The following XKR4 variants were observed in gnomAD, a reference collection of about 807,000 sequenced individuals.
The protein encoded by XKR4 is XK-related protein 4.
In XKR4, 12 loss-of-function variants were observed where a neutral mutation model predicts 53.9. The ratio of observed to expected loss-of-function variants is 0.22; its 90% CI spans 0.14 to 0.36. XKR4 has a LOEUF of 0.36. Ranked by LOEUF, XKR4 falls within the 10% of genes least tolerant of loss-of-function variation. The pLI is 1.00. For missense variants in XKR4, 799 were observed against 859.5 expected, an observed-to-expected ratio of 0.93 and a Z score of 0.88; for synonymous variants, 354 against 362.4, an observed-to-expected ratio of 0.98 and a Z score of 0.26.
At chr8:55,148,971 A>G (rs1816806284) in intron 1 of XKR4, among the ~76,000 whole-genome samples, 2 of 152,256 alleles carry the variant, frequency 1.3e-5, no homozygotes, top group African/African-American at 4.8e-5. Flanking sequence ...AAAAGTACAA[A>G]TAAGCCAAGT....
intron 1 of XKR4, among the ~76,000 whole-genome samples, chr8:55,174,479 G>A (rs1448894421): frequency 3.3e-5 from 5 of 152,150 alleles, no homozygotes; most frequent in Non-Finnish European, 4.4e-5. Flanking sequence ...AGCATCCGGG[G>A]CTTCACAAAG....
At chr8:55,222,180 T>A (rs1317645976) in intron 1 of XKR4, among the ~76,000 whole-genome samples, 1 of 152,120 alleles carries the variant, frequency 6.6e-6, no homozygotes, top group African/African-American at 2.4e-5. Context: ...GATGTTTTCT[T>A]AGATCATGTT....
At chr8:55,145,797 A>C (rs184921180) in intron 1 of XKR4, among the ~76,000 whole-genome samples, 1 of 152,202 alleles carries the variant, frequency 6.6e-6, no homozygotes, top group Non-Finnish European at 1.5e-5. Flanking sequence ...ACATCTTTTC[A>C]TCTCATAAAT....
intron 1 of XKR4, among the ~76,000 whole-genome samples, chr8:55,289,620 A>T (rs1360676557): frequency 7.2e-6 from 1 of 139,794 alleles, no homozygotes; most frequent in African/African-American, 2.7e-5. Flanking sequence ...AAAGAAAGAA[A>T]GAAAGAAAGA....
chr8:55,410,765 C>T (rs905964805), intron 2 of XKR4, among the ~76,000 whole-genome samples: 2 of 152,196 alleles, frequency 1.3e-5, no homozygotes, highest in South Asian at 4.1e-4. Flanking sequence ...TCATGACACT[C>T]TTCTCTAAAA....
At chr8:55,361,193 A>G (rs1438896014) in intron 2 of XKR4, among the ~76,000 whole-genome samples, 1 of 152,172 alleles carries the variant, frequency 6.6e-6, no homozygotes, top group East Asian at 1.9e-4. Flanking sequence ...CTGTACTTCC[A>G]GAGAGTTTCC....
intron 1 of XKR4, among the ~76,000 whole-genome samples, chr8:55,311,167 G>C (rs1819382680): frequency 6.6e-6 from 1 of 152,162 alleles, no homozygotes; most frequent in African/African-American, 2.4e-5. Flanking sequence ...GCCTCGAATT[G>C]GTAAAGGGAC....
chr8:55,454,351 G>A (rs895221981), intron 2 of XKR4: 1 of 1,507,900 alleles, frequency 6.6e-7, no homozygotes, highest in East Asian at 2.3e-5. Flanking sequence ...CCAGCAGCTG[G>A]GCCGGCAGGA....
intron 1 of XKR4, among the ~76,000 whole-genome samples, chr8:55,347,225 G>A (rs941891473): frequency 2.0e-5 from 3 of 152,196 alleles, no homozygotes; most frequent in Admixed American, 6.5e-5. Context: ...TAGTGACATA[G>A]GAGGCTGTGG....
chr8:55,168,590 T>C (rs1817103792), intron 1 of XKR4, among the ~76,000 whole-genome samples: 1 of 152,196 alleles, frequency 6.6e-6, no homozygotes. Context: ...GATGTCTACT[T>C]CCCCTGCCTC....
intron 1 of XKR4, among the ~76,000 whole-genome samples, chr8:55,286,564 C>T (rs1818910038): frequency 6.6e-6 from 1 of 152,078 alleles, no homozygotes; most frequent in Non-Finnish European, 1.5e-5. Flanking sequence ...AGTGAGCGTC[C>T]CTGGAGAGGG....
intron 2 of XKR4, among the ~76,000 whole-genome samples, chr8:55,429,683 C>T (rs2129393373): frequency 6.6e-6 from 1 of 150,508 alleles, no homozygotes; most frequent in East Asian, 1.9e-4. Context: ...GCGAGCAGAG[C>T]ACAGCACTGC....
rs1160872780 is a variant in XKR4 at position 55,534,363 on chromosome 8, C to CTTTTTTTTTTTTTTTTTTTTTTT, written c.*10142_*10164dup. 6.4e-5 allele frequency: 3 copies of CTTTTTTTTTTTTTTTTTTTTTTT among 47,162 alleles called. 1 individual carries two copies. Among genetic ancestry groups the CTTTTTTTTTTTTTTTTTTTTTTT allele is most frequent in the Non-Finnish European group, 1.1e-4 (3 of 26,632 alleles). 2.9% of individuals were successfully genotyped at this position (47,162 alleles called of 1,614,324 possible). ...GCTCAAAGATCACGAATCTGATATT[C>CTTTTTTTTTTTTTTTTTTTTTTT]TTTTTTTTTTTTTTTTTTTTTTTTT... On this transcript the variant is annotated 3_prime_UTR_variant, in exon 3 of 3. Coordinates refer to ENST00000327381, the MANE Select transcript of XKR4 (RefSeq NM_052898.2).
In XKR4 at chr8:55,102,804, C is replaced by A; in HGVS notation, c.316C>A (p.Arg106Ser). Residue 106 changes from arginine (R) to serine (S), a missense_variant, in exon 1 of 3, where the codon CGC becomes AGC. Coordinates refer to ENST00000327381, the MANE Select transcript of XKR4 (RefSeq NM_052898.2). The surrounding 1 kb of genome is among the most constrained non-coding windows in gnomAD (Gnocchi z 5.1). ...CCTGCGCCTGGGCAGGGAGCAGCGGCGCTACTCACTGTGGGACTGCCTCTG... is the reference window on the plus strand; with the variant it reads ...CCTGCGCCTGGGCAGGGAGCAGCGGAGCTACTCACTGTGGGACTGCCTCTG... Reference protein sequence around the residue: ...LCLRLGREQRRYSLWDCLWIL... With the variant: ...LCLRLGREQRSYSLWDCLWIL... 2 of 1,605,064 alleles carry A rather than the reference C, an allele frequency of 1.2e-6. No individual in the cohort carries two copies. The highest frequency in any genetic ancestry group is 1.7e-6 in the Non-Finnish European group (2 of 1,179,428).
At chr8:55,496,192 C>T (rs146111352) in intron 2 of XKR4, among the ~76,000 whole-genome samples, 108 of 152,198 alleles carry the variant, frequency 7.1e-4, no homozygotes, top group African/African-American at 2.2e-3. Context: ...GGGAGCTGTT[C>T]GGGTTAAGAA....
At chr8:55,372,473 A>T (rs1222206815) in intron 2 of XKR4, among the ~76,000 whole-genome samples, 2 of 152,344 alleles carry the variant, frequency 1.3e-5, no homozygotes, top group Non-Finnish European at 2.9e-5. Context: ...CTGAGCAAGG[A>T]CAAAAGGAAA....
chr8:55,205,528 T>G (rs1009271125), intron 1 of XKR4, among the ~76,000 whole-genome samples: 1 of 152,210 alleles, frequency 6.6e-6, no homozygotes, highest in Non-Finnish European at 1.5e-5. Context: ...ATTATTTTCT[T>G]GGGGATACTG....
intron 1 of XKR4, among the ~76,000 whole-genome samples, chr8:55,302,080 T>A (rs1819208010): frequency 6.6e-6 from 1 of 152,062 alleles, no homozygotes; most frequent in Non-Finnish European, 1.5e-5. Context: ...CATGCCTATG[T>A]CCTGAATGGT....
intron 1 of XKR4, among the ~76,000 whole-genome samples, chr8:55,220,470 G>C (rs539022974): frequency 1.3e-5 from 2 of 152,208 alleles, no homozygotes; most frequent in Non-Finnish European, 2.9e-5. Flanking sequence ...ATTTCAAAAT[G>C]TTTAAAAGGA....
Sources: allele counts gnomAD v4.1 joint callset (sites outside exome capture counted in the v4.1 genomes callset), GRCh38; gene constraint gnomAD v4.1.1; non-coding constraint Gnocchi (gnomAD v3.1); transcripts MANE v1.5; gene names NCBI Gene and HGNC (gene_info 2026-07-23, HGNC 2026-07-21).